ECT2: variants seen among roughly 807,000 people sequenced by gnomAD.
ECT2 encodes the protein protein ECT2.
ECT2 carries 61 observed loss-of-function variants against 116.9 expected under a neutral mutation model. The ratio of observed to expected loss-of-function variants is 0.52; its 90% CI spans 0.42 to 0.65. The LOEUF is 0.65. Among genes scored for constraint, ECT2 ranks in the 30% least tolerant of loss-of-function variants. ECT2 has a pLI of 0.00. For synonymous variants in ECT2, 358 were observed against 346.4 expected, an observed-to-expected ratio of 1.03 and a Z score of -0.37; for missense variants, 937 against 1,078.7, an observed-to-expected ratio of 0.87 and a Z score of 1.84.
the ECT2 span, among the ~76,000 whole-genome samples, chr3:172,827,650 AGAG>A: frequency 4.5e-4 from 69 of 152,352 alleles, no homozygotes; most frequent in African/African-American, 1.6e-3. Context: ...GGAGGTATAA[AGAG>A]GGGTTGGTCA....
intron 14 of ECT2, among the ~76,000 whole-genome samples, chr3:172,778,465 T>A (rs1374805065): frequency 6.6e-6 from 1 of 152,096 alleles, no homozygotes. Context: ...TGGAATAACA[T>A]GGAATCTGAG....
At position 172,760,265 on chromosome 3, in the gene ECT2, T is replaced by C. The variant is rs765273363; in HGVS notation, c.684+2T>C. On this transcript the variant is annotated splice_donor_variant, in intron 7 of 24. Transcript: ENST00000392692. LOFTEE classifies it high-confidence loss of function. Reference sequence around the variant, plus strand: ...TGTACACAAGGAGAAAAATTCAGGGTATGTAAACTTGGGTATTTTTGTGTA... The same window carrying C: ...TGTACACAAGGAGAAAAATTCAGGGCATGTAAACTTGGGTATTTTTGTGTA... 1 of 1,594,568 alleles carries C rather than the reference T, an allele frequency of 6.3e-7. No individual in the cohort carries two copies. Among genetic ancestry groups the C allele is most frequent in the South Asian group, 1.1e-5 (1 of 89,642 alleles).
chr3:172,754,481 T>C, intron 1 of ECT2, 28 bp from the exon 2 acceptor site: 1 of 1,483,652 alleles, frequency 6.7e-7, no homozygotes. Flanking sequence ...CATGTTTATG[T>C]ATTTTTATTC....
chr3:172,799,182 T>A (rs556293007), intron 18 of ECT2, among the ~76,000 whole-genome samples: 1 of 152,210 alleles, frequency 6.6e-6, no homozygotes, highest in Non-Finnish European at 1.5e-5. Flanking sequence ...TCCAGATTTC[T>A]CCAATCCAGC....
intron 6 of ECT2, among the ~76,000 whole-genome samples, chr3:172,759,527 C>T (rs1477871000): frequency 6.6e-6 from 1 of 152,052 alleles, no homozygotes; most frequent in Non-Finnish European, 1.5e-5. Context: ...CTGCAAACTC[C>T]GCTTCCCAGG....
rs113793777 is a variant in ECT2, at chr3:172,797,018, C to CCGTGTGTGTG, written c.1908-5598_1908-5597insCGTGTGTGTG. Among the ~76,000 whole-genome samples, 3 of 139,126 alleles carry CCGTGTGTGTG rather than the reference C, an allele frequency of 2.2e-5. No homozygotes were observed. The East Asian group carries it at 6.5e-4, about 30-fold the overall frequency. The allele number at this position is 139,126 out of a possible 152,430, so 91.3% of individuals were successfully genotyped here. A position where few individuals can be genotyped will look rare whatever the true frequency, so the allele number is the denominator to read the frequency against. On this transcript the variant is annotated intron_variant, in intron 18 of 24. Coordinates refer to ENST00000392692, the MANE Select transcript of ECT2 (RefSeq NM_001258315.2). ...TCTCAGATTCATATATCAGGTTCAA[C>CCGTGTGTGTG]TGTGTGTGTGTGTGTGTGTGTGTGT... is the stretch of plus-strand genomic sequence containing the variant.
the ECT2 span, chr3:172,828,919 G>T: frequency 6.9e-7 from 1 of 1,455,048 alleles, no homozygotes; most frequent in Non-Finnish European, 9.5e-7. Flanking sequence ...CAATTCCAAT[G>T]CCAGTCCCTG....
At chr3:172,819,225 C>T (rs1336214253) in intron 24 of ECT2, among the ~76,000 whole-genome samples, 1 of 151,972 alleles carries the variant, frequency 6.6e-6, no homozygotes, top group Non-Finnish European at 1.5e-5. Context: ...ACTTCATCAA[C>T]CCAGCTTTTT....
intron 14 of ECT2, among the ~76,000 whole-genome samples, chr3:172,778,882 A>G (rs955494072): frequency 2.0e-5 from 3 of 152,194 alleles, no homozygotes; most frequent in Non-Finnish European, 2.9e-5. Flanking sequence ...GGCATGAGCC[A>G]CGGCACCCGG....
At chr3:172,788,028 C>T (rs761371382) in intron 18 of ECT2, among the ~76,000 whole-genome samples, 2 of 152,060 alleles carry the variant, frequency 1.3e-5, no homozygotes, top group Non-Finnish European at 2.9e-5. Flanking sequence ...ATATCCCTAC[C>T]CTAAGTGCCT....
intron 20 of ECT2, among the ~76,000 whole-genome samples, chr3:172,804,468 A>G (rs573545895): frequency 2.0e-4 from 30 of 152,342 alleles, no homozygotes; most frequent in African/African-American, 6.5e-4. Flanking sequence ...TGTTTCCCTC[A>G]TAAAAAGGAC....
intron 13 of ECT2, among the ~76,000 whole-genome samples, chr3:172,770,138 CTTTAT>C (rs1357744610): frequency 6.6e-6 from 1 of 152,104 alleles, no homozygotes; most frequent in East Asian, 1.9e-4. Context: ...GCTGTATTAG[CTTTAT>C]TTTAAGTCAC....
At chr3:172,795,373 C>A (rs1725449182) in intron 18 of ECT2, among the ~76,000 whole-genome samples, 1 of 149,872 alleles carries the variant, frequency 6.7e-6, no homozygotes, top group Non-Finnish European at 1.5e-5. Context: ...TACATTTTTG[C>A]TTGGAATTAG....
chr3:172,800,903 A>G (rs969838530), intron 18 of ECT2, among the ~76,000 whole-genome samples: 2 of 152,222 alleles, frequency 1.3e-5, no homozygotes, highest in Non-Finnish European at 2.9e-5. Context: ...GATACAATCA[A>G]ATCTCACCAA....
intron 16 of ECT2, 46 bp downstream of exon 16, chr3:172,783,955 A>G: frequency 7.8e-7 from 1 of 1,281,138 alleles, no homozygotes; most frequent in Non-Finnish European, 1.1e-6. Context: ...TTATTTCTGA[A>G]GTAATTCACC....
At chr3:172,794,198 A>AT (rs1361295020) in intron 18 of ECT2, among the ~76,000 whole-genome samples, 1 of 151,902 alleles carries the variant, frequency 6.6e-6, no homozygotes, top group Non-Finnish European at 1.5e-5. Flanking sequence ...TTTTTTTCTT[A>AT]TTTTCTTTAA....
At chr3:172,791,271 A>G (rs1724607791) in intron 18 of ECT2, among the ~76,000 whole-genome samples, 1 of 152,220 alleles carries the variant, frequency 6.6e-6, no homozygotes, top group Non-Finnish European at 1.5e-5. Context: ...GATTTTGAGA[A>G]TGGTCAGTGA....
rs1301154000 is a variant in ECT2, at chr3:172,807,774, C to A, written c.2250C>A (p.Cys750Ter). Residue 750 changes from cysteine (C) to a stop codon, truncating the protein, a stop_gained, in exon 22 of 25, where the codon TGC becomes TGA. Transcript: ENST00000392692. LOFTEE classifies it high-confidence loss of function. ...ATGGTTATTCTGGAACCCTAGATTG[C>A]CATAATGCTTTTGCCTTGCTTGTGA... ...KVLDIRETED[C>*]HNAFALLVRP... 6.2e-7 allele frequency: 1 copy of A among 1,611,514 alleles called. No individual in the cohort carries two copies. Among genetic ancestry groups the A allele is most frequent in the Non-Finnish European group, 8.5e-7 (1 of 1,178,774 alleles).
chr3:172,819,697 A>G (rs1043813189), intron 24 of ECT2, among the ~76,000 whole-genome samples: 31 of 152,096 alleles, frequency 2.0e-4, no homozygotes, highest in African/African-American at 7.0e-4. Flanking sequence ...ATATATTACA[A>G]ACACTCTTTG....
Sources: allele counts gnomAD v4.1 joint callset (sites outside exome capture counted in the v4.1 genomes callset), GRCh38; gene constraint gnomAD v4.1.1; transcripts MANE v1.5; gene names NCBI Gene and HGNC (gene_info 2026-07-23, HGNC 2026-07-21).